Variants in KIF24 observed in about 807,000 individuals in gnomAD.
The protein encoded by KIF24 is kinesin-like protein KIF24.
In KIF24, 81 loss-of-function variants were observed where a neutral mutation model predicts 118.9. That is an observed-to-expected ratio of 0.68 (90% CI 0.57 to 0.82). KIF24 has a LOEUF of 0.82. Among genes scored for constraint, KIF24 ranks in the 40% least tolerant of loss-of-function variants. KIF24 has a pLI of 0.00. For missense variants in KIF24, 1,560 were observed against 1,661.6 expected (o/e 0.94, Z 1.06); for synonymous variants, 599 against 610.0 (o/e 0.98, Z 0.27).
At chr9:34,311,641 TG>T (rs1480499163) in intron 1 of KIF24, among the ~76,000 whole-genome samples, 1 of 145,906 alleles carries the variant, frequency 6.9e-6, no homozygotes, top group Non-Finnish European at 1.5e-5. Context: ...TTTACATATG[TG>T]TATATATACG....
rs566176255 is a variant in KIF24 at position 34,327,763 on chromosome 9, C to T, written c.-26+1343G>A. Among the ~76,000 whole-genome samples, 9 of 151,782 alleles carry T rather than the reference C, an allele frequency of 5.9e-5. No homozygotes were observed. The South Asian group carries it at 1.9e-3, about 32-fold the overall frequency. On this transcript the variant is annotated intron_variant, in intron 1 of 12. Transcript: ENST00000402558. ...GAGGTCTAAAGGGGCTAGATTCAGG[C>T]GTTCAAGGCTGCGGTGAGCTATTAT...
chr9:34,258,035 T>G, intron 10 of KIF24, 54 bp from the exon 11 acceptor site: 2 of 1,328,782 alleles, frequency 1.5e-6, no homozygotes, highest in Non-Finnish European at 2.1e-6. Context: ...CTGCAATTCC[T>G]TTTCTATAGC....
At chr9:34,329,988 G>T (rs1443670171), upstream of KIF24, among the ~76,000 whole-genome samples, 1 of 152,232 alleles carries the variant, frequency 6.6e-6, no homozygotes, top group Non-Finnish European at 1.5e-5. Context: ...TTCCAAAAGA[G>T]ATTTTATGTT....
intron 2 of KIF24, among the ~76,000 whole-genome samples, chr9:34,309,540 CAAAAAAAAA>C (rs397960934): frequency 1.5e-5 from 1 of 65,242 alleles, no homozygotes; most frequent in African/African-American, 6.1e-5. Flanking sequence ...GACTCCGTCT[CAAAAAAAAA>C]AAAAAAAAAA....
upstream of KIF24, among the ~76,000 whole-genome samples, chr9:34,332,335 C>A (rs771116448): frequency 6.6e-6 from 1 of 152,170 alleles, no homozygotes; most frequent in African/African-American, 2.4e-5. Context: ...ACCTTGTTAA[C>A]CTAAAGATGC....
intron 1 of KIF24, among the ~76,000 whole-genome samples, chr9:34,325,948 C>G (rs1837658596): frequency 1.3e-5 from 2 of 152,130 alleles, no homozygotes. Flanking sequence ...TTGATATGGA[C>G]ACAGATATGG....
chr9:34,297,087 CA>C lies in KIF24; in HGVS notation c.840del (p.Phe280LeufsTer12). On this transcript the variant is annotated frameshift_variant, in exon 4 of 13. Transcript: ENST00000402558. LOFTEE classifies it high-confidence loss of function. ...LQHVFYFDEVFGEACTNQDVY... is the reference protein window; with the variant it reads ...LQHVFYFDEVXGEACTNQDVY... ...ACATCCTGATTGGTGCACGCCTCAC[CA>C]AAGACTTCATCAAAATAAAAAACAT... The C allele has an allele frequency of 6.3e-7, 1 of 1,583,578 alleles. No individual in the cohort carries two copies. The highest frequency in any genetic ancestry group is 8.6e-7 in the Non-Finnish European group (1 of 1,160,820).
At chr9:34,302,305 T>C (rs1464720868) in intron 3 of KIF24, among the ~76,000 whole-genome samples, 2 of 151,680 alleles carry the variant, frequency 1.3e-5, no homozygotes, top group African/African-American at 4.8e-5. Flanking sequence ...GGCCTCTTTT[T>C]CTTTATTATT....
At chr9:34,278,570 AC>A (rs1327556513) in intron 6 of KIF24, among the ~76,000 whole-genome samples, 4 of 150,712 alleles carry the variant, frequency 2.7e-5, no homozygotes, top group African/African-American at 7.4e-5. Context: ...CCTAGAGCAA[AC>A]CAAAAAAAAA....
chr9:34,294,258 T>G (rs747439759), intron 4 of KIF24, among the ~76,000 whole-genome samples: 1 of 152,210 alleles, frequency 6.6e-6, no homozygotes, highest in Non-Finnish European at 1.5e-5. Flanking sequence ...CGACTGACAC[T>G]TTCTTATAAA....
chr9:34,316,148 G>A (rs866463351), intron 1 of KIF24, among the ~76,000 whole-genome samples: 2 of 151,928 alleles, frequency 1.3e-5, no homozygotes, highest in African/African-American at 2.4e-5. Flanking sequence ...TCAGGAGATC[G>A]AGACCATCCT....
intron 5 of KIF24, 48 bp downstream of exon 5, chr9:34,290,126 T>C (rs750956954): frequency 2.2e-5 from 30 of 1,379,740 alleles, no homozygotes; most frequent in Non-Finnish European, 3.0e-5. Flanking sequence ...GGACTCTGGC[T>C]TAAAATAGCG....
chr9:34,256,973 A>G lies in KIF24; in HGVS notation c.2634T>C (p.Ser878=), dbSNP rs1834873190. ...QVAERQQSLF[S]SPRTGDKKDL... ...CTTTCTTGTCACCTGTCCTGGGGCT[A>G]GAAAACAGACTCTGCTGTCTTTCTG... is the stretch of plus-strand genomic sequence containing the variant. The change falls in exon 11 of 13, where the codon TCT becomes TCC. Residue 878 remains serine (S), a synonymous_variant. Transcript: ENST00000402558. 2 of 1,614,042 alleles carry G rather than the reference A, an allele frequency of 1.2e-6. No homozygotes were observed. The highest frequency in any genetic ancestry group is 1.7e-6 in the Non-Finnish European group (2 of 1,179,900).
chr9:34,321,911 T>G (rs754618750), intron 1 of KIF24, among the ~76,000 whole-genome samples: 1 of 152,050 alleles, frequency 6.6e-6, no homozygotes, highest in African/African-American at 2.4e-5. Flanking sequence ...TGTCCTACAT[T>G]ATATTTTTGT....
chr9:34,318,857 C>A lies in KIF24; in HGVS notation c.-25-7486G>T. 6.2e-7 allele frequency: 1 copy of A among 1,602,028 alleles called. No individual in the cohort carries two copies. The highest frequency in any genetic ancestry group is 1.1e-5 in the South Asian group (1 of 90,882). On this transcript the variant is annotated intron_variant, in intron 1 of 12. Transcript: ENST00000402558. The surrounding 1 kb of genome is among the most constrained non-coding windows in gnomAD (Gnocchi z 4.9). Reference sequence around the variant, plus strand: ...TGATGACTTCGTGCGCAGCAGCAAGCAGCACTACAACTGCGAGCACTCCAA... The same window carrying A: ...TGATGACTTCGTGCGCAGCAGCAAGAAGCACTACAACTGCGAGCACTCCAA...
chr9:34,319,100 G>T, intron 1 of KIF24: 2 of 1,357,868 alleles, frequency 1.5e-6, no homozygotes, highest in African/African-American at 1.4e-5. Context: ...CTATACCGTG[G>T]GTGTCATGGT....
intron 1 of KIF24, among the ~76,000 whole-genome samples, chr9:34,312,604 C>T (rs756486037): frequency 2.6e-5 from 4 of 152,102 alleles, no homozygotes; most frequent in Non-Finnish European, 5.9e-5. Context: ...AACCAAAGAA[C>T]GTTGAATAAT....
At chr9:34,305,770 G>T (rs1012025907) in intron 3 of KIF24, among the ~76,000 whole-genome samples, 1 of 151,844 alleles carries the variant, frequency 6.6e-6, no homozygotes, top group Non-Finnish European at 1.5e-5. Flanking sequence ...TGCTGGGCTA[G>T]TTTTAAGATC....
At chr9:34,295,594 C>T (rs2131769782) in intron 4 of KIF24, among the ~76,000 whole-genome samples, 1 of 152,246 alleles carries the variant, frequency 6.6e-6, no homozygotes, top group South Asian at 2.1e-4. Context: ...GGGAGGATTG[C>T]TTGAACCTGA....
Sources: allele counts gnomAD v4.1 joint callset (sites outside exome capture counted in the v4.1 genomes callset), GRCh38; gene constraint gnomAD v4.1.1; non-coding constraint Gnocchi (gnomAD v3.1); transcripts MANE v1.5; gene names NCBI Gene and HGNC (gene_info 2026-07-23, HGNC 2026-07-21).